The following NUDT3 variants were observed in gnomAD, a reference collection of about 807,000 sequenced individuals.
The protein encoded by NUDT3 is nudix hydrolase 3, also known as diphosphoinositol polyphosphate phosphohydrolase 1.
Under a neutral mutation model 23.6 loss-of-function variants are expected in NUDT3, and 9 were observed. That is an observed-to-expected ratio of 0.38 (90% confidence interval 0.23 to 0.66). The LOEUF (loss-of-function observed/expected upper bound fraction) is 0.66, where lower values mean the gene tolerates loss of function less well. Ranked by LOEUF, NUDT3 falls within the 30% of genes least tolerant of loss-of-function variation. The pLI, the probability that NUDT3 is intolerant of heterozygous loss-of-function variation, is 0.52. For missense variants in NUDT3, 172 were observed against 218.5 expected (o/e 0.79, Z 1.34); for synonymous variants, 86 against 82.6 (o/e 1.04, Z -0.22).
intron 2 of NUDT3, among the ~76,000 whole-genome samples, chr6:34,311,455 C>A (rs1763771053): frequency 6.6e-6 from 1 of 152,136 alleles, no homozygotes; most frequent in Non-Finnish European, 1.5e-5. Context: ...TGGCAACAAT[C>A]CATGTTAATG....
intron 2 of NUDT3, among the ~76,000 whole-genome samples, chr6:34,325,481 G>C (rs934648031): frequency 1.3e-5 from 2 of 152,166 alleles, no homozygotes; most frequent in Admixed American, 1.3e-4. Context: ...AAAGTGCTGG[G>C]ATTATAGGCG....
intron 2 of NUDT3, among the ~76,000 whole-genome samples, chr6:34,303,001 CTTCT>C (rs767808379): frequency 1.6e-3 from 243 of 152,252 alleles, no homozygotes; most frequent in Admixed American, 2.7e-3. Flanking sequence ...CTTCTCTGCT[CTTCT>C]TTAACAAAAA....
At chr6:34,319,995 A>G (rs916162957) in intron 2 of NUDT3, among the ~76,000 whole-genome samples, 1 of 152,084 alleles carries the variant, frequency 6.6e-6, no homozygotes, top group Non-Finnish European at 1.5e-5. Flanking sequence ...AGACGAAAAC[A>G]TCTATATATA....
chr6:34,312,100 T>C (rs1581858696), intron 2 of NUDT3, among the ~76,000 whole-genome samples: 2 of 152,202 alleles, frequency 1.3e-5, no homozygotes, highest in East Asian at 1.9e-4. Context: ...AGAAAACACC[T>C]ATTAGGATAG....
chr6:34,304,160 G>A (rs1303619701), intron 2 of NUDT3, among the ~76,000 whole-genome samples: 1 of 151,564 alleles, frequency 6.6e-6, no homozygotes, highest in Non-Finnish European at 1.5e-5. Context: ...GGCTGAAGGA[G>A]GAGAACCACT....
rs558336707 is a variant in NUDT3, at chr6:34,281,740, A to G, written c.*7013T>C. The G allele has an allele frequency of 3.9e-5, 6 of 152,340 alleles. No homozygotes were observed. In the South Asian group the frequency reaches 1.2e-3, roughly 32 times the overall value. The allele number at this position is 152,340 out of a possible 1,614,324, so 9.4% of individuals were successfully genotyped here. A position where few individuals can be genotyped will look rare whatever the true frequency, so the allele number is the denominator to read the frequency against. Reference sequence around the variant, plus strand: ...ATTCACAGATGGAAATGAAAGAGTGAGATTCTCAGAGGCTAAACAACATTC... The same window carrying G: ...ATTCACAGATGGAAATGAAAGAGTGGGATTCTCAGAGGCTAAACAACATTC... On this transcript the variant is annotated 3_prime_UTR_variant, in exon 5 of 5. Transcript: ENST00000607016.
intron 1 of NUDT3, 81 bp from the exon 2 acceptor site, chr6:34,342,053 ACAT>A: frequency 8.0e-7 from 1 of 1,242,254 alleles, no homozygotes; most frequent in Admixed American, 2.3e-5. Context: ...AACACCACAA[ACAT>A]CAAAGTAACC....
At chr6:34,299,543 G>C (rs1160114973) in intron 2 of NUDT3, among the ~76,000 whole-genome samples, 1 of 151,694 alleles carries the variant, frequency 6.6e-6, no homozygotes, top group Admixed American at 6.6e-5. Flanking sequence ...TCCTGTCTTA[G>C]CCTCCCAAGT....
chr6:34,326,951 C>T (rs994232408), intron 2 of NUDT3, among the ~76,000 whole-genome samples: 1 of 151,880 alleles, frequency 6.6e-6, no homozygotes, highest in Non-Finnish European at 1.5e-5. Context: ...AGAGAGAGAT[C>T]GTACGAAATA....
intron 1 of NUDT3, among the ~76,000 whole-genome samples, chr6:34,359,365 C>T (rs1244971204): frequency 6.6e-6 from 1 of 152,142 alleles, no homozygotes; most frequent in South Asian, 2.1e-4. Flanking sequence ...AAGAGCAAGA[C>T]TGCCTAAAAA....
chr6:34,341,998 G>A, intron 1 of NUDT3, 26 bp from the exon 2 acceptor site: 1 of 1,599,548 alleles, frequency 6.3e-7, no homozygotes, highest in East Asian at 2.2e-5. Flanking sequence ...GGTTGCATGG[G>A]GGGGTTAAAA....
At chr6:34,387,673 TAAAAAAAAAAA>T (rs752125676) in intron 1 of NUDT3, among the ~76,000 whole-genome samples, 25 of 98,772 alleles carry the variant, frequency 2.5e-4, no homozygotes, top group Middle Eastern at 0.012. Context: ...CATCTCTTTT[TAAAAAAAAAAA>T]AAAAAAAAAA....
chr6:34,392,330 G>A lies in NUDT3; in HGVS notation c.33C>T (p.Thr11=). The part of the protein sequence containing the change: MMKLKSNQTR[T]YDGDGYKKRA... ...GCTTCTTGTAGCCGTCGCCGTCGTA[G>A]GTGCGGGTCTGGTTCGACTTGAGCT... is the stretch of plus-strand genomic sequence containing the variant. Residue 11 remains threonine, a synonymous_variant, in exon 1 of 5, where the codon ACC becomes ACT. Transcript: ENST00000607016. 1 of 1,606,460 alleles carries A rather than the reference G, an allele frequency of 6.2e-7. No homozygotes were observed. Among genetic ancestry groups the A allele is most frequent in the East Asian group, 2.3e-5 (1 of 44,108 alleles).
intron 2 of NUDT3, among the ~76,000 whole-genome samples, chr6:34,304,399 G>A (rs941717424): frequency 4.0e-5 from 6 of 149,484 alleles, no homozygotes; most frequent in Admixed American, 2.0e-4. Flanking sequence ...ACCCCATATC[G>A]AAAGAAGGAA....
chr6:34,351,143 A>T (rs1389412083), intron 1 of NUDT3, among the ~76,000 whole-genome samples: 2 of 128,988 alleles, frequency 1.6e-5, no homozygotes, highest in African/African-American at 6.1e-5. Flanking sequence ...TGAGCCTAGG[A>T]GTTTCAGACC....
chr6:34,297,751 ATATATATAATTT>A lies in NUDT3; in HGVS notation c.211-2078_211-2067del, dbSNP rs1561899092. ...AAAAAATATATATATATATATATATATATATATAATTTTTTTTTTTTTTTTAGTAGAGACGGG... is the reference window on the plus strand; with the variant it reads ...AAAAAATATATATATATATATATATATTTTTTTTTTTTTAGTAGAGACGGG... On this transcript the variant is annotated intron_variant, in intron 2 of 4. Transcript: ENST00000607016. Among the ~76,000 whole-genome samples the A allele has an allele frequency of 1.2e-3, 120 of 99,742 alleles. 1 individual carries two copies. Among genetic ancestry groups the A allele is most frequent in the African/African-American group, 5.3e-3 (111 of 21,058 alleles). 65.4% of individuals were successfully genotyped at this position (99,742 alleles called of 152,430 possible). A position where few individuals can be genotyped will look rare whatever the true frequency, so the allele number is the denominator to read the frequency against.
intron 1 of NUDT3, among the ~76,000 whole-genome samples, chr6:34,382,450 C>CT (rs111708339): frequency 6.6e-6 from 1 of 152,022 alleles, no homozygotes; most frequent in Admixed American, 6.6e-5. Flanking sequence ...TGTAACTTCT[C>CT]TTTTTTTGTT....
chr6:34,379,039 CAAG>C (rs1482402371), intron 1 of NUDT3, among the ~76,000 whole-genome samples: 5 of 152,164 alleles, frequency 3.3e-5, no homozygotes, highest in East Asian at 1.9e-4. Flanking sequence ...TTATCAAACC[CAAG>C]AAGAATTCAC....
intron 1 of NUDT3, among the ~76,000 whole-genome samples, chr6:34,355,135 A>G (rs1216381537): frequency 2.0e-5 from 3 of 152,162 alleles, no homozygotes; most frequent in African/African-American, 4.8e-5. Context: ...CATTATTTCA[A>G]TATTAAGTAT....
Sources: gnomAD v4.1 joint callset for allele counts (sites outside exome capture counted in the v4.1 genomes callset) on GRCh38, gnomAD v4.1.1 for gene constraint, MANE v1.5 for transcripts, NCBI Gene and HGNC (gene_info 2026-07-23, HGNC 2026-07-21) for gene names.